REPS2: variants seen among roughly 807,000 people sequenced by gnomAD.
The protein encoded by REPS2 is ralBP1-associated Eps domain-containing protein 2.
REPS2 carries 23 observed loss-of-function variants against 53.6 expected under a neutral mutation model. That is an observed-to-expected ratio of 0.43 (90% CI 0.31 to 0.61). The LOEUF (loss-of-function observed/expected upper bound fraction) is 0.61, where lower values mean the gene tolerates loss of function less well. Ranked by LOEUF, REPS2 falls within the 20% of genes least tolerant of loss-of-function variation. The pLI is 0.11. For missense variants in REPS2, 446 were observed against 534.9 expected (o/e 0.83, Z 1.64); for synonymous variants, 238 against 218.6 (o/e 1.09, Z -0.78).
chrX:17,047,763 C>T (rs951096823), intron 6 of REPS2, among the ~76,000 whole-genome samples: 9 of 112,815 alleles, frequency 8.0e-5, no homozygotes, highest in African/African-American at 2.3e-4. Context: ...GCTAGCGTGT[C>T]GCCCCAAGGG....
At position 17,149,176 on chromosome X, in the gene REPS2, T is replaced by G. The variant is rs1386294748; in HGVS notation, c.*1695T>G. The G allele has an allele frequency of 4.0e-6, 1 of 247,004 alleles. No individual in the cohort carries two copies. Among genetic ancestry groups the G allele is most frequent in the East Asian group, 1.1e-4 (1 of 8,953 alleles). 20.4% of individuals were successfully genotyped at this position (247,004 alleles called of 1,213,427 possible). A position where few individuals can be genotyped will look rare whatever the true frequency, so the allele number is the denominator to read the frequency against. On this transcript the variant is annotated 3_prime_UTR_variant, in exon 18 of 18. Transcript: ENST00000357277. The stretch of plus-strand genomic sequence containing the variant: ...TTTCTTCCCCATTTGCTGCCTTTTT[T>G]GTTTTTGTGGGGGAAGGGTTGGGAG...
chrX:17,035,383 G>A (rs1313635179), intron 5 of REPS2, among the ~76,000 whole-genome samples: 1 of 109,399 alleles, frequency 9.1e-6, no homozygotes, highest in East Asian at 2.9e-4. Context: ...GTGGGTTAGA[G>A]TTGAGTCATG....
chrX:16,956,460 C>T (rs755683505), intron 1 of REPS2, among the ~76,000 whole-genome samples: 1 of 109,714 alleles, frequency 9.1e-6, no homozygotes, highest in Non-Finnish European at 1.9e-5. Context: ...TGCCACCACA[C>T]CCAGCTAATT....
Position 17,152,230 on chromosome X carries a change from A to G in REPS2, c.*4749A>G, listed in dbSNP as rs777546004. 2.7e-5 allele frequency: 3 copies of G among 112,141 alleles called. No homozygotes were observed. The highest frequency in any genetic ancestry group is 5.6e-5 in the Non-Finnish European group (3 of 53,222). 9.2% of individuals were successfully genotyped at this position (112,141 alleles called of 1,213,427 possible). A position where few individuals can be genotyped will look rare whatever the true frequency, so the allele number is the denominator to read the frequency against. ...GTTACATGCATGCCCTAAAGCAGTC[A>G]GTCTGTTAGTATGAGCAAGACATCT... is the stretch of plus-strand genomic sequence containing the variant. On this transcript the variant is annotated 3_prime_UTR_variant, in exon 18 of 18. Transcript: ENST00000357277.
the REPS2 span, among the ~76,000 whole-genome samples, chrX:17,178,962 C>T: frequency 4.5e-5 from 5 of 111,369 alleles, no homozygotes; most frequent in Non-Finnish European, 7.5e-5. Context: ...AGTTGGCTCC[C>T]CTGTTCAGTC....
Position 16,946,915 on chromosome X carries a change from CG to C in REPS2, c.59del (p.Gly20AlafsTer11). The C allele has an allele frequency of 1.2e-6, 1 of 801,985 alleles. No individual in the cohort carries two copies. The highest frequency in any genetic ancestry group is 1.5e-6 in the Non-Finnish European group (1 of 672,812). The allele number at this position is 801,985 out of a possible 1,213,427, so 66.1% of individuals were successfully genotyped here. On this transcript the variant is annotated frameshift_variant, in exon 1 of 18. Coordinates refer to ENST00000357277, the MANE Select transcript of REPS2 (RefSeq NM_004726.3). LOFTEE classifies it high-confidence loss of function. The stretch of plus-strand genomic sequence containing the variant: ...CGGCAGCGGCAGCGGCAGCGGCGGG[CG>C]GGGGCTGTGGCTCCGGGCCGCCGCC... ...AAAAAAAAAG[G>X]GCGSGPPPLL...
At chrX:17,122,431 C>A (rs2063153541) in intron 14 of REPS2, among the ~76,000 whole-genome samples, 1 of 112,194 alleles carries the variant, frequency 8.9e-6, no homozygotes, top group African/African-American at 3.2e-5. Context: ...ACACTGTTTT[C>A]TACTATTGAT....
At chrX:17,090,968 A>G (rs763696577) in intron 13 of REPS2, among the ~76,000 whole-genome samples, 19 of 112,178 alleles carry the variant, frequency 1.7e-4, no homozygotes, top group Admixed American at 4.7e-4. Context: ...TCCCAGCACT[A>G]TTTGTCAAAA....
At chrX:17,000,255 G>T (rs1191212251) in intron 1 of REPS2, among the ~76,000 whole-genome samples, 2 of 110,833 alleles carry the variant, frequency 1.8e-5, no homozygotes, top group Admixed American at 9.6e-5. Context: ...GAGGAAGAAG[G>T]TGAATACATG....
chrX:16,977,010 A>G (rs1188251647), intron 1 of REPS2, among the ~76,000 whole-genome samples: 3 of 111,618 alleles, frequency 2.7e-5, no homozygotes, highest in Non-Finnish European at 5.6e-5. Flanking sequence ...AAAGATTAGC[A>G]TATTGATAGA....
At chrX:17,195,294 C>T in the REPS2 span, among the ~76,000 whole-genome samples, 1 of 112,330 alleles carries the variant, frequency 8.9e-6, no homozygotes, top group Non-Finnish European at 1.9e-5. Context: ...TCTCTGCCCA[C>T]CTTTCATGCC....
the REPS2 span, among the ~76,000 whole-genome samples, chrX:17,192,358 T>C: frequency 8.9e-6 from 1 of 112,355 alleles, no homozygotes; most frequent in Non-Finnish European, 1.9e-5. Flanking sequence ...TCTGGAGGCA[T>C]GTTAGCATGA....
At chrX:16,976,990 C>T (rs187996935) in intron 1 of REPS2, among the ~76,000 whole-genome samples, 2 of 111,641 alleles carry the variant, frequency 1.8e-5, no homozygotes, top group East Asian at 5.7e-4. Flanking sequence ...GCCTGAGTCT[C>T]CTGCTCTTGA....
intron 7 of REPS2, among the ~76,000 whole-genome samples, chrX:17,052,986 C>G (rs968374386): frequency 2.7e-5 from 3 of 111,451 alleles, no homozygotes; most frequent in African/African-American, 9.8e-5. Flanking sequence ...CCTTTATGCA[C>G]TCTGGTTCCA....
At chrX:17,101,142 C>G (rs935495174) in intron 13 of REPS2, among the ~76,000 whole-genome samples, 2 of 104,009 alleles carry the variant, frequency 1.9e-5, no homozygotes, top group African/African-American at 7.1e-5. Context: ...AAAGCTCCAC[C>G]TCTCGGGTTC....
At chrX:17,066,968 A>G (rs2062233890) in intron 9 of REPS2, among the ~76,000 whole-genome samples, 1 of 112,546 alleles carries the variant, frequency 8.9e-6, no homozygotes. Context: ...GTTTAAAAAC[A>G]AAAGTATTGC....
chrX:17,048,483 T>C (rs2061937192), intron 6 of REPS2, among the ~76,000 whole-genome samples: 1 of 112,761 alleles, frequency 8.9e-6, no homozygotes. Context: ...AAACAGGTAC[T>C]TGTTAGAAAT....
intron 1 of REPS2, among the ~76,000 whole-genome samples, chrX:17,001,102 C>T (rs970611490): frequency 1.8e-5 from 2 of 111,782 alleles, no homozygotes; most frequent in Admixed American, 1.9e-4. Context: ...AAAATATTAC[C>T]CCCATCTTTG....
In REPS2 at chrX:17,138,917, G is replaced by A; in HGVS notation, c.1870G>A (p.Ala624Thr). ...TATCCGCAAAAATAAAGAGGCAAACGCAGTGCTGGCTCGGCTGAACAGTGA... is the reference window on the plus strand; with the variant it reads ...TATCCGCAAAAATAAAGAGGCAAACACAGTGCTGGCTCGGCTGAACAGTGA... ...TAIRKNKEANAVLARLNSELQ... is the reference protein window; with the variant it reads ...TAIRKNKEANTVLARLNSELQ... Residue 624 changes from alanine to threonine, a missense_variant, in exon 17 of 18, where the codon GCA (alanine) becomes ACA (threonine). Physicochemically the swap from Ala to Thr is moderately conservative, Grantham distance 58. Transcript: ENST00000357277. The A allele has an allele frequency of 1.7e-6, 2 of 1,203,845 alleles. No individual in the cohort carries two copies. The highest frequency in any genetic ancestry group is 3.0e-5 in the East Asian group (1 of 33,533).
Sources: gnomAD v4.1 joint callset for allele counts (sites outside exome capture counted in the v4.1 genomes callset) on GRCh38, gnomAD v4.1.1 for gene constraint, MANE v1.5 for transcripts, NCBI Gene and HGNC (gene_info 2026-07-23, HGNC 2026-07-21) for gene names.